The following PUM3 variants were observed in gnomAD, a reference collection of about 807,000 sequenced individuals.
The protein encoded by PUM3 is pumilio RNA binding family member 3, also known as pumilio homolog 3.
Under a neutral mutation model 84.0 loss-of-function variants are expected in PUM3, and 91 were observed. That is an observed-to-expected ratio of 1.08 (90% CI 0.91 to 1.29). The LOEUF is 1.29. Among genes scored for constraint, PUM3 ranks in the 50% most tolerant of loss-of-function variants. The probability of loss-of-function intolerance (pLI) is 0.00; values close to 1 mark genes in which losing one functional copy is unlikely to be tolerated. For synonymous variants in PUM3, 321 were observed against 266.7 expected (o/e 1.20, Z -1.98); for missense variants, 1,067 against 767.5 (o/e 1.39, Z -4.61).
At chr9:2,805,916 G>T (rs1432871755) in intron 17 of PUM3, among the ~76,000 whole-genome samples, 1 of 152,012 alleles carries the variant, frequency 6.6e-6, no homozygotes, top group Admixed American at 6.5e-5. Context: ...AGAGAATTCT[G>T]CTTCTCTGAG....
intron 12 of PUM3, among the ~76,000 whole-genome samples, chr9:2,823,364 T>C (rs1815716236): frequency 6.6e-6 from 1 of 152,112 alleles, no homozygotes; most frequent in South Asian, 2.1e-4. Flanking sequence ...ATTTCTTTTA[T>C]GGTTTTGGTC....
intron 4 of PUM3, 59 bp from the exon 5 acceptor site, chr9:2,833,491 A>C: frequency 1.0e-6 from 1 of 963,802 alleles, no homozygotes. Context: ...TTAAACACAC[A>C]AAATTAAAAA....
At chr9:2,843,399 A>C (rs1816318791) in intron 1 of PUM3, among the ~76,000 whole-genome samples, 1 of 151,874 alleles carries the variant, frequency 6.6e-6, no homozygotes, top group African/African-American at 2.4e-5. Flanking sequence ...TCCTCCCAGC[A>C]CTTAGAATCT....
Position 2,804,327 on chromosome 9 carries a change from C to G in PUM3, c.*4G>C, listed in dbSNP as rs1431508571. On this transcript the variant is annotated 3_prime_UTR_variant, in exon 18 of 18. Transcript: ENST00000397885. ...CATTCCATCTTGCTCTTAACTCTTT[C>G]CACCTATGTGCTCAGTTTTTCAAGT... 9 of 1,611,948 alleles carry G rather than the reference C, an allele frequency of 5.6e-6. No homozygotes were observed. The highest frequency in any genetic ancestry group is 7.6e-6 in the Non-Finnish European group (9 of 1,179,508).
In PUM3 at chr9:2,804,413, A is replaced by G; in HGVS notation, c.1865T>C (p.Leu622Pro). Residue 622 changes from leucine (L) to proline (P), a missense_variant, in exon 18 of 18, where the codon CTG (leucine) becomes CCG (proline). Physicochemically the swap from Leu to Pro is moderately conservative, Grantham distance 98 (BLOSUM62 -3). Coordinates refer to ENST00000397885, the MANE Select transcript of PUM3 (RefSeq NM_014878.5). ...TTCCAATGTAGGAATCAAGCTTTTC[A>G]GTGCAGCTTTGACTTTGTTTGCAAC... ...LEVANKVKAA[L>P]KSLIPTLEKT... The G allele has an allele frequency of 6.2e-6, 10 of 1,614,000 alleles. No homozygotes were observed. The highest frequency in any genetic ancestry group is 8.5e-6 in the Non-Finnish European group (10 of 1,179,948).
chr9:2,806,597 T>C (rs1217574157), intron 17 of PUM3, among the ~76,000 whole-genome samples: 4 of 152,246 alleles, frequency 2.6e-5, no homozygotes, highest in African/African-American at 7.2e-5. Flanking sequence ...CAAAGCAACA[T>C]ACAAATCTTT....
rs769515923 is a variant in PUM3, at chr9:2,827,171, G to C, written c.957-20C>G. On this transcript the variant is annotated intron_variant, in intron 9 of 17. Transcript: ENST00000397885. ...GCTTCCCTGAAAACAGAAAAAAAAA[G>C]CAAAAAGACACAACAGATCTGGCAC... The C allele has an allele frequency of 4.5e-6, 7 of 1,564,024 alleles. No individual in the cohort carries two copies. The East Asian group carries it at 1.6e-4, about 35-fold the overall frequency.
rs117099292 is a variant in PUM3, at chr9:2,805,972, A to G, written c.1815-1509T>C. On this transcript the variant is annotated intron_variant, in intron 17 of 17. Coordinates refer to ENST00000397885, the MANE Select transcript of PUM3 (RefSeq NM_014878.5). ...AAGGCTGATTTTCTTTTCACCCAAAATTTACAAAAACAATTTTTTTGTATT... is the reference window on the plus strand; with the variant it reads ...AAGGCTGATTTTCTTTTCACCCAAAGTTTACAAAAACAATTTTTTTGTATT... Among the ~76,000 whole-genome samples, 209 of 152,300 alleles carry G rather than the reference A, an allele frequency of 1.4e-3. 3 individuals carry two copies. In the East Asian group the frequency reaches 0.037, roughly 27 times the overall value.
chr9:2,820,192 G>C, intron 12 of PUM3, 94 bp from the exon 13 acceptor site: 2 of 389,066 alleles, frequency 5.1e-6, no homozygotes, highest in African/African-American at 2.4e-5. Context: ...GGTAGAGCGA[G>C]ACTCCGCTCA....
chr9:2,820,656 A>G (rs1442549234), intron 12 of PUM3, among the ~76,000 whole-genome samples: 1 of 152,138 alleles, frequency 6.6e-6, no homozygotes, highest in Non-Finnish European at 1.5e-5. Context: ...ATATTGCTCA[A>G]TTTCTTTAAA....
chr9:2,808,038 C>T, intron 16 of PUM3, 134 bp from the exon 17 acceptor site: 1 of 607,130 alleles, frequency 1.6e-6, no homozygotes, highest in South Asian at 2.1e-5. Flanking sequence ...CCCAATCTCC[C>T]TTTTAACACA....
intron 9 of PUM3, 135 bp from the exon 10 acceptor site, chr9:2,827,286 G>C (rs1815849511): frequency 1.7e-6 from 1 of 601,086 alleles, no homozygotes. Flanking sequence ...TCATAAAATA[G>C]ACTGTATTTT....
chr9:2,811,593 A>T lies in PUM3; in HGVS notation c.1413-10T>A. ...CTCTGTATCTTTCTTACTGTTGAGT[A>T]TGTTGAACGGGGTATTAAGGTAAGA... On this transcript the variant is annotated splice_polypyrimidine_tract_variant and intron_variant, in intron 14 of 17. Transcript: ENST00000397885. 1 of 1,601,238 alleles carries T rather than the reference A, an allele frequency of 6.2e-7. No individual in the cohort carries two copies. The highest frequency in any genetic ancestry group is 1.3e-5 in the African/African-American group (1 of 74,794).
chr9:2,814,694 G>A (rs1334895456), intron 13 of PUM3, among the ~76,000 whole-genome samples: 4 of 152,046 alleles, frequency 2.6e-5, no homozygotes, highest in African/African-American at 9.7e-5. Flanking sequence ...CATAGCCTGG[G>A]CCAATTTCTA....
At position 2,828,785 on chromosome 9, in the gene PUM3, CA is replaced by C; in HGVS notation, c.853-8del. 6.9e-7 allele frequency: 1 copy of C among 1,451,830 alleles called. No individual in the cohort carries two copies. Among genetic ancestry groups the C allele is most frequent in the Non-Finnish European group, 9.7e-7 (1 of 1,035,182 alleles). The allele number at this position is 1,451,830 out of a possible 1,614,324, so 89.9% of individuals were successfully genotyped here. A position where few individuals can be genotyped will look rare whatever the true frequency, so the allele number is the denominator to read the frequency against. Reference sequence around the variant, plus strand: ...GAGTTCGGTGATCTGCTGACTGCAACAAAACAAAACAATCAAACCCCTCTAA... The same window carrying C: ...GAGTTCGGTGATCTGCTGACTGCAACAAACAAAACAATCAAACCCCTCTAA... On this transcript the variant is annotated splice_region_variant and splice_polypyrimidine_tract_variant and intron_variant, in intron 8 of 17. Coordinates refer to ENST00000397885, the MANE Select transcript of PUM3 (RefSeq NM_014878.5).
intron 12 of PUM3, among the ~76,000 whole-genome samples, chr9:2,822,178 T>C (rs1815662378): frequency 6.6e-6 from 1 of 152,186 alleles, no homozygotes; most frequent in Non-Finnish European, 1.5e-5. Context: ...TTTTAACATG[T>C]TTCTCTCAGC....
intron 13 of PUM3, among the ~76,000 whole-genome samples, chr9:2,815,291 C>G (rs774585744): frequency 6.6e-6 from 1 of 152,148 alleles, no homozygotes; most frequent in Non-Finnish European, 1.5e-5. Context: ...CCCCAGCTCA[C>G]CCTCGTTACA....
chr9:2,818,272 G>A (rs116252517), intron 13 of PUM3, among the ~76,000 whole-genome samples: 1,565 of 152,306 alleles, frequency 0.01, 33 homozygotes, highest in African/African-American at 0.035. Context: ...GAAAGAGATC[G>A]GCAAATCAGG....
intron 3 of PUM3, among the ~76,000 whole-genome samples, chr9:2,834,759 T>C (rs989530588): frequency 1.3e-5 from 2 of 152,232 alleles, no homozygotes; most frequent in Admixed American, 6.5e-5. Context: ...AACCCTCTGC[T>C]GTCTTAGTCA....
Sources: allele counts gnomAD v4.1 joint callset (sites outside exome capture counted in the v4.1 genomes callset), GRCh38; gene constraint gnomAD v4.1.1; transcripts MANE v1.5; gene names NCBI Gene and HGNC (gene_info 2026-07-23, HGNC 2026-07-21).